PTPN11: variants seen among roughly 807,000 people sequenced by gnomAD.
The protein encoded by PTPN11 is tyrosine-protein phosphatase non-receptor type 11.
Under a neutral mutation model 78.8 loss-of-function variants are expected in PTPN11, and 6 were observed. The observed-to-expected ratio is 0.08, with a 90% CI of 0.04 to 0.15. PTPN11 has a LOEUF of 0.15. Ranked by LOEUF, PTPN11 falls within the 10% of genes least tolerant of loss-of-function variation. The probability of loss-of-function intolerance (pLI) is 1.00; values close to 1 mark genes in which losing one functional copy is unlikely to be tolerated. For synonymous variants in PTPN11, 221 were observed against 263.5 expected (o/e 0.84, Z 1.56); for missense variants, 386 against 744.8 (o/e 0.52, Z 5.61).
chr12:112,424,891 A>ATGTGTGTGTGTGTGTGTGTGTATGTGTG (rs2037584646), intron 1 of PTPN11, among the ~76,000 whole-genome samples: 2 of 79,982 alleles, frequency 2.5e-5, no homozygotes, highest in African/African-American at 8.4e-5. Context: ...GTGTGTGTGT[A>ATGTGTGTGTGTGTGTGTGTGTATGTGTG]TGTGTGTGTG....
intron 6 of PTPN11, among the ~76,000 whole-genome samples, chr12:112,458,193 A>C (rs191848004): frequency 1.3e-5 from 2 of 152,188 alleles, no homozygotes; most frequent in East Asian, 3.9e-4. Flanking sequence ...TTCATACCAC[A>C]GTTTTTGTTT....
At chr12:112,422,982 C>G (rs994533353) in intron 1 of PTPN11, among the ~76,000 whole-genome samples, 4 of 152,196 alleles carry the variant, frequency 2.6e-5, no homozygotes, top group African/African-American at 9.7e-5. Flanking sequence ...CCATCCAACG[C>G]CAATGTTTTT....
intron 1 of PTPN11, among the ~76,000 whole-genome samples, chr12:112,432,279 A>G (rs1371639368): frequency 6.6e-6 from 1 of 152,206 alleles, no homozygotes; most frequent in East Asian, 1.9e-4. Flanking sequence ...GTGGTTTGAC[A>G]ATATTTGTCA....
intron 1 of PTPN11, among the ~76,000 whole-genome samples, chr12:112,429,038 C>T (rs927191388): frequency 3.3e-5 from 5 of 152,260 alleles, no homozygotes; most frequent in Admixed American, 6.5e-5. Context: ...TGAGCCACCG[C>T]GTCCGGCCTC....
At chr12:112,425,943 C>G (rs544242353) in intron 1 of PTPN11, among the ~76,000 whole-genome samples, 10 of 152,062 alleles carry the variant, frequency 6.6e-5, no homozygotes, top group African/African-American at 2.2e-4. Context: ...TGGGCTCAAG[C>G]GATTCTCCCC....
chr12:112,421,631 AT>A (rs2135821817), intron 1 of PTPN11, among the ~76,000 whole-genome samples: 1 of 151,682 alleles, frequency 6.6e-6, no homozygotes, highest in East Asian at 1.9e-4. Flanking sequence ...TTTTATTATT[AT>A]TGTTATTATT....
chr12:112,440,126 A>T (rs1381693065), intron 1 of PTPN11, among the ~76,000 whole-genome samples: 1 of 152,160 alleles, frequency 6.6e-6, no homozygotes, highest in Non-Finnish European at 1.5e-5. Flanking sequence ...TTTCATCTGG[A>T]ACCACAGATG....
intron 9 of PTPN11, among the ~76,000 whole-genome samples, chr12:112,481,394 C>T (rs550000449): frequency 1.1e-4 from 17 of 152,298 alleles, no homozygotes; most frequent in Admixed American, 4.6e-4. Context: ...AACCAAGCAC[C>T]GACTCTCCTT....
At chr12:112,457,390 G>A in intron 6 of PTPN11, 1 of 222,824 alleles carries the variant, frequency 4.5e-6, no homozygotes, top group Non-Finnish European at 9.2e-6. Flanking sequence ...GTGTGTATGT[G>A]CCACATTTTC....
chr12:112,474,195 C>T (rs1200862952), intron 7 of PTPN11, among the ~76,000 whole-genome samples: 1 of 151,988 alleles, frequency 6.6e-6, no homozygotes, highest in Admixed American at 6.6e-5. Flanking sequence ...TTAAAAATTA[C>T]AAAAATTAGC....
chr12:112,427,559 C>A (rs976716124), intron 1 of PTPN11, among the ~76,000 whole-genome samples: 3 of 150,276 alleles, frequency 2.0e-5, no homozygotes, highest in African/African-American at 7.3e-5. Context: ...AAAAAAAAAT[C>A]TATATATCTA....
Position 112,477,728 on chromosome 12 carries a change from A to T in PTPN11, c.931A>T (p.Met311Leu). The change falls in exon 8 of 16, where the codon ATG (methionine) becomes TTG (leucine). Residue 311 changes from methionine to leucine, a missense_variant and splice_region_variant. Coordinates refer to ENST00000351677, the MANE Select transcript of PTPN11 (RefSeq NM_002834.5). ...AGATTACATCAATGCAAATATCATCATGGTAAGCTTTGCTTTTCACAGTGT... is the reference window on the plus strand; with the variant it reads ...AGATTACATCAATGCAAATATCATCTTGGTAAGCTTTGCTTTTCACAGTGT... ...VSDYINANII[M>L]PEFETKCNNS... The T allele has an allele frequency of 1.2e-6, 2 of 1,611,808 alleles. No homozygotes were observed. Among genetic ancestry groups the T allele is most frequent in the South Asian group, 1.1e-5 (1 of 91,040 alleles).
At chr12:112,446,481 T>A in intron 2 of PTPN11, 83 bp downstream of exon 2, 1 of 1,596,794 alleles carries the variant, frequency 6.3e-7, no homozygotes, top group Non-Finnish European at 8.6e-7. Context: ...GCTTGCTGCC[T>A]GCATTTCGAG....
chr12:112,477,401 A>G (rs979091029), intron 7 of PTPN11, among the ~76,000 whole-genome samples: 5 of 152,218 alleles, frequency 3.3e-5, no homozygotes, highest in Admixed American at 6.5e-5. Flanking sequence ...TGAGCTTCCT[A>G]TATACCCAAT....
chr12:112,448,366 A>C (rs2038026063), intron 2 of PTPN11, among the ~76,000 whole-genome samples: 1 of 151,542 alleles, frequency 6.6e-6, no homozygotes, highest in Non-Finnish European at 1.5e-5. Context: ...CCTGGTGTAC[A>C]CTACCACACC....
chr12:112,442,899 T>G, intron 1 of PTPN11, among the ~76,000 whole-genome samples: 1 of 92,808 alleles, frequency 1.1e-5, no homozygotes, highest in African/African-American at 5.1e-5. Flanking sequence ...ACACTACACA[T>G]ATATGTATGT....
At chr12:112,456,156 G>A in intron 6 of PTPN11, 93 bp downstream of exon 6, 1 of 828,272 alleles carries the variant, frequency 1.2e-6, no homozygotes, top group Non-Finnish European at 2.1e-6. Flanking sequence ...GGACCTGAGA[G>A]ACTTGAAACT....
chr12:112,486,660 A>G, intron 11 of PTPN11, 31 bp downstream of exon 11: 1 of 1,611,002 alleles, frequency 6.2e-7, no homozygotes, highest in Non-Finnish European at 8.5e-7. Flanking sequence ...TCTAGGCCAC[A>G]GCCTGTCCCT....
intron 2 of PTPN11, among the ~76,000 whole-genome samples, chr12:112,447,620 C>T (rs1311835359): frequency 2.0e-5 from 3 of 151,926 alleles, no homozygotes; most frequent in Non-Finnish European, 4.4e-5. Flanking sequence ...CTGTCTCAGC[C>T]TCCGGAGTGG....
Sources: gnomAD v4.1 joint callset for allele counts (sites outside exome capture counted in the v4.1 genomes callset) on GRCh38, gnomAD v4.1.1 for gene constraint, MANE v1.5 for transcripts, NCBI Gene and HGNC (gene_info 2026-07-23, HGNC 2026-07-21) for gene names.